The following SLC39A14 variants were observed in gnomAD, a reference collection of about 807,000 sequenced individuals.
SLC39A14 encodes solute carrier family 39 member 14, also known as metal cation symporter ZIP14.
In SLC39A14, 19 loss-of-function variants were observed where a neutral mutation model predicts 45.5. That is an observed-to-expected ratio of 0.42 (90% confidence interval 0.29 to 0.61). The LOEUF (loss-of-function observed/expected upper bound fraction) is 0.61. SLC39A14 is among the 20% of genes least tolerant of loss of function. The pLI, the probability that SLC39A14 is intolerant of heterozygous loss-of-function variation, is 0.22. For synonymous variants in SLC39A14, 264 were observed against 251.3 expected, an observed-to-expected ratio of 1.05 and a Z score of -0.48; for missense variants, 447 against 616.5, an observed-to-expected ratio of 0.73 and a Z score of 2.91.
At chr8:22,400,296 T>C (rs1834781441) in intron 1 of SLC39A14, among the ~76,000 whole-genome samples, 1 of 152,232 alleles carries the variant, frequency 6.6e-6, no homozygotes, top group Non-Finnish European at 1.5e-5. Context: ...TCCTTGTCTG[T>C]TACGTGGAGT....
At chr8:22,432,311 C>T (rs1347511244) in intron 8 of SLC39A14, among the ~76,000 whole-genome samples, 11 of 152,058 alleles carry the variant, frequency 7.2e-5, no homozygotes, top group African/African-American at 1.7e-4. Flanking sequence ...CCAGCTTGGG[C>T]GACAGAGCAA....
In SLC39A14 at chr8:22,419,893, C is replaced by G; in HGVS notation, c.*195C>G. 7.7e-7 allele frequency: 1 copy of G among 1,299,330 alleles called. No individual in the cohort carries two copies. The highest frequency in any genetic ancestry group is 9.8e-7 in the Non-Finnish European group (1 of 1,025,488). The allele number at this position is 1,299,330 out of a possible 1,614,324, so 80.5% of individuals were successfully genotyped here. A position where few individuals can be genotyped will look rare whatever the true frequency, so the allele number is the denominator to read the frequency against. ...GGAATAAGCTGCCCTGGTAACCAGT[C>G]TCTAGCTAGTGCCTCTTGCCCTCTC... On this transcript the variant is annotated 3_prime_UTR_variant, in exon 9 of 9. Coordinates refer to ENST00000381237, the MANE Select transcript of SLC39A14 (RefSeq NM_001128431.4).
rs185069650 is a variant in SLC39A14, at chr8:22,428,516, C to T, written c.1333-5375C>T. ...GTAGTGCCGTGGTACGATCTCAGCT[C>T]ACTGCAACCTCTGCCTCCCGGGTTC... On this transcript the variant is annotated intron_variant, in intron 8 of 8. Coordinates refer to the SLC39A14 transcript ENST00000240095. Among the ~76,000 whole-genome samples the T allele has an allele frequency of 4.1e-5, 6 of 145,070 alleles. No individual in the cohort carries two copies. In the East Asian group the frequency reaches 1.3e-3, roughly 31 times the overall value.
chr8:22,393,818 A>G (rs946488347), intron 1 of SLC39A14, among the ~76,000 whole-genome samples: 1 of 151,936 alleles, frequency 6.6e-6, no homozygotes, highest in Admixed American at 6.6e-5. Flanking sequence ...GACTACAGGC[A>G]TTCATCACCA....
At chr8:22,388,591 G>A (rs1375722711) in intron 1 of SLC39A14, among the ~76,000 whole-genome samples, 1 of 152,096 alleles carries the variant, frequency 6.6e-6, no homozygotes, top group Non-Finnish European at 1.5e-5. Flanking sequence ...AGGTTCTGGA[G>A]GGGAGGGGCT....
chr8:22,415,674 C>T (rs1835829704), intron 5 of SLC39A14, 95 bp from the exon 6 acceptor site: 8 of 1,163,922 alleles, frequency 6.9e-6, no homozygotes, highest in East Asian at 2.5e-5. Flanking sequence ...AGGCTGAGGT[C>T]TTCCAGTGTG....
chr8:22,408,749 A>C (rs73227834), intron 3 of SLC39A14, among the ~76,000 whole-genome samples: 1 of 151,528 alleles, frequency 6.6e-6, no homozygotes, highest in African/African-American at 2.4e-5. Context: ...TGAGCGGCCT[A>C]TGGATCCCTT....
intron 1 of SLC39A14, among the ~76,000 whole-genome samples, chr8:22,402,202 A>G (rs987220068): frequency 2.1e-4 from 32 of 152,094 alleles, no homozygotes; most frequent in Non-Finnish European, 2.2e-4. Flanking sequence ...TAACACAGTG[A>G]AACCCCGTCT....
At chr8:22,369,848 C>T (rs1832835462) in intron 1 of SLC39A14, among the ~76,000 whole-genome samples, 1 of 151,908 alleles carries the variant, frequency 6.6e-6, no homozygotes, top group Admixed American at 6.6e-5. Context: ...TTTAGGGGTC[C>T]CAGAGGCTGA....
chr8:22,423,811 T>TCTCA (rs140415628), downstream of SLC39A14, among the ~76,000 whole-genome samples: 3 of 150,768 alleles, frequency 2.0e-5, no homozygotes, highest in African/African-American at 7.4e-5. Flanking sequence ...TCTCTCTCTC[T>TCTCA]CATCTATCTT....
At chr8:22,376,890 A>C (rs1046526830) in intron 1 of SLC39A14, among the ~76,000 whole-genome samples, 3 of 152,090 alleles carry the variant, frequency 2.0e-5, no homozygotes, top group Non-Finnish European at 4.4e-5. Flanking sequence ...GAAAAAAAAA[A>C]TACTGAATGG....
chr8:22,368,529 T>G (rs889451437), intron 1 of SLC39A14, among the ~76,000 whole-genome samples: 47 of 32,946 alleles, frequency 1.4e-3, no homozygotes, highest in Middle Eastern at 0.013. Flanking sequence ...TTATTTTATT[T>G]TATTTTATTG....
chr8:22,389,534 T>C (rs1833958234), intron 1 of SLC39A14, among the ~76,000 whole-genome samples: 1 of 152,030 alleles, frequency 6.6e-6, no homozygotes, highest in Non-Finnish European at 1.5e-5. Context: ...AGGCTTGGCT[T>C]CTGGGGTCCA....
chr8:22,397,922 G>T (rs951680645), intron 1 of SLC39A14, among the ~76,000 whole-genome samples: 2 of 152,210 alleles, frequency 1.3e-5, no homozygotes, highest in Non-Finnish European at 2.9e-5. Flanking sequence ...TACCTTTGTA[G>T]TTACTGTCTT....
At chr8:22,399,314 C>A (rs1301971166) in intron 1 of SLC39A14, among the ~76,000 whole-genome samples, 2 of 152,200 alleles carry the variant, frequency 1.3e-5, no homozygotes, top group Non-Finnish European at 2.9e-5. Context: ...ATACCTTTTA[C>A]AAACCTTTTC....
At chr8:22,369,019 C>T (rs555158526) in intron 1 of SLC39A14, among the ~76,000 whole-genome samples, 3 of 152,284 alleles carry the variant, frequency 2.0e-5, no homozygotes, top group East Asian at 1.9e-4. Flanking sequence ...AGAATCATAA[C>T]TTAGCAGCTG....
chr8:22,399,187 A>T (rs946860619), intron 1 of SLC39A14, among the ~76,000 whole-genome samples: 1 of 152,126 alleles, frequency 6.6e-6, no homozygotes, highest in Non-Finnish European at 1.5e-5. Flanking sequence ...ATGGAATGGA[A>T]CCTGGCGTGG....
intron 1 of SLC39A14, among the ~76,000 whole-genome samples, chr8:22,388,989 C>T (rs1447914478): frequency 6.6e-6 from 1 of 152,176 alleles, no homozygotes; most frequent in Non-Finnish European, 1.5e-5. Context: ...GCCTTTCTTG[C>T]TGGCGCCCTG....
chr8:22,431,959 GT>G (rs1292512047), intron 8 of SLC39A14, among the ~76,000 whole-genome samples: 1 of 152,188 alleles, frequency 6.6e-6, no homozygotes, highest in African/African-American at 2.4e-5. Context: ...GGCTCTAGAT[GT>G]TTTGTTTGTT....
Sources: gnomAD v4.1 joint callset for allele counts (sites outside exome capture counted in the v4.1 genomes callset) on GRCh38, gnomAD v4.1.1 for gene constraint, MANE v1.5 for transcripts, NCBI Gene and HGNC (gene_info 2026-07-23, HGNC 2026-07-21) for gene names.